The following CSMD1 variants were observed in gnomAD, a reference collection of about 807,000 sequenced individuals.
CSMD1 encodes CUB and sushi domain-containing protein 1.
A neutral mutation model predicts 417.5 loss-of-function variants in CSMD1; 213 were observed. That is an observed-to-expected ratio of 0.51 (90% CI 0.46 to 0.57). The LOEUF is 0.57. CSMD1 is among the 20% of genes least tolerant of loss of function. CSMD1 has a pLI of 0.00. For synonymous variants in CSMD1, 2,862 were observed against 1,736.8 expected, an observed-to-expected ratio of 1.65 and a Z score of -16.11; for missense variants, 6,923 against 4,529.7, an observed-to-expected ratio of 1.53 and a Z score of -15.17.
chr8:3,967,198 C>A (rs976415618), intron 5 of CSMD1, among the ~76,000 whole-genome samples: 31 of 151,556 alleles, frequency 2.0e-4, no homozygotes, highest in Non-Finnish European at 4.4e-4. Flanking sequence ...TTGATTCTCT[C>A]TACTGCTTTG....
intron 10 of CSMD1, among the ~76,000 whole-genome samples, chr8:3,548,608 C>T (rs114543091): frequency 0.021 from 3,139 of 150,028 alleles, 101 homozygotes; most frequent in African/African-American, 0.072. Context: ...ATCCAGGTTG[C>T]TATGAATGCC....
At chr8:4,248,189 T>TCATGA (rs1284272360) in intron 3 of CSMD1, among the ~76,000 whole-genome samples, 2 of 152,190 alleles carry the variant, frequency 1.3e-5, no homozygotes, top group Non-Finnish European at 2.9e-5. Flanking sequence ...CCTGGAAATT[T>TCATGA]CATGACATGA....
At chr8:3,982,853 A>G (rs931860699) in intron 5 of CSMD1, among the ~76,000 whole-genome samples, 2 of 152,240 alleles carry the variant, frequency 1.3e-5, no homozygotes, top group Admixed American at 6.5e-5. Context: ...AGCTCTACGC[A>G]TACCAAGGAC....
At chr8:4,010,763 T>C (rs1208736306) in intron 4 of CSMD1, among the ~76,000 whole-genome samples, 1 of 152,190 alleles carries the variant, frequency 6.6e-6, no homozygotes, top group Non-Finnish European at 1.5e-5. Flanking sequence ...CATGGCCTAA[T>C]GCACTTCCTT....
intron 16 of CSMD1, among the ~76,000 whole-genome samples, chr8:3,397,311 G>A (rs2116858725): frequency 6.6e-6 from 1 of 152,276 alleles, no homozygotes; most frequent in East Asian, 1.9e-4. Context: ...CTGATGAATT[G>A]GGAGAAAACT....
At chr8:3,878,903 A>C (rs1426953982) in intron 5 of CSMD1, among the ~76,000 whole-genome samples, 1 of 152,240 alleles carries the variant, frequency 6.6e-6, no homozygotes, top group Non-Finnish European at 1.5e-5. Flanking sequence ...CACAAGTTAT[A>C]TGAAGTCTCA....
intron 1 of CSMD1, among the ~76,000 whole-genome samples, chr8:4,750,068 C>T (rs948741631): frequency 2.6e-5 from 4 of 151,724 alleles, no homozygotes; most frequent in Non-Finnish European, 4.4e-5. Flanking sequence ...GTGCAGTGGG[C>T]GATCTCGGCT....
chr8:4,361,718 G>A (rs7836863), intron 3 of CSMD1, among the ~76,000 whole-genome samples: 6,144 of 151,748 alleles, frequency 0.04, 303 homozygotes, highest in African/African-American at 0.11. Flanking sequence ...CACTTTGGGA[G>A]GCCGAAGTGG....
Position 3,908,548 on chromosome 8 carries a change from T to G in CSMD1, c.818+89355A>C, listed in dbSNP as rs1327665951. Among the ~76,000 whole-genome samples the G allele has an allele frequency of 2.6e-5, 4 of 152,106 alleles. No individual in the cohort carries two copies. In the East Asian group the frequency reaches 7.7e-4, roughly 29 times the overall value. ...AAAACTCCTAACCTAAGGGAAACAC[T>G]TTTGTAGCTATGGAGCTCACATTTG... On this transcript the variant is annotated intron_variant, in intron 5 of 69. Transcript: ENST00000635120.
chr8:4,172,677 T>G (rs1797832473), intron 3 of CSMD1, among the ~76,000 whole-genome samples: 1 of 152,190 alleles, frequency 6.6e-6, no homozygotes, highest in Non-Finnish European at 1.5e-5. Flanking sequence ...GACCAGGTGT[T>G]TCACACATAT....
At chr8:4,244,990 T>C (rs899258307) in intron 3 of CSMD1, among the ~76,000 whole-genome samples, 3 of 152,064 alleles carry the variant, frequency 2.0e-5, no homozygotes, top group African/African-American at 4.8e-5. Context: ...TGGAAGTAAA[T>C]CGACAAACAT....
rs923350930 is a variant in CSMD1, at chr8:4,584,296, G to A, written c.302+53046C>T. ...ATCGCCAAGCAGTGAGACAATCGCC[G>A]AGTGGTGAGACCGTCGCCTATCGCC... On this transcript the variant is annotated intron_variant, in intron 2 of 69. Coordinates refer to ENST00000635120, the MANE Select transcript of CSMD1 (RefSeq NM_033225.6). 7.1e-4 allele frequency among the ~76,000 whole-genome samples: 108 copies of A among 151,990 alleles called. 2 individuals carry two copies. Among genetic ancestry groups the A allele is most frequent in the African/African-American group, 2.2e-3 (90 of 41,464 alleles).
intron 12 of CSMD1, among the ~76,000 whole-genome samples, chr8:3,422,795 A>G (rs1156896895): frequency 6.6e-6 from 1 of 152,178 alleles, no homozygotes; most frequent in Non-Finnish European, 1.5e-5. Context: ...TCAAGAGGCT[A>G]GGAAGATCAA....
intron 3 of CSMD1, among the ~76,000 whole-genome samples, chr8:4,309,997 G>A (rs1798470867): frequency 6.6e-6 from 1 of 152,146 alleles, no homozygotes; most frequent in South Asian, 2.1e-4. Flanking sequence ...AGACTAAGGA[G>A]TTTGGAAAAC....
At chr8:4,399,483 C>G (rs764230113) in intron 3 of CSMD1, among the ~76,000 whole-genome samples, 4 of 152,144 alleles carry the variant, frequency 2.6e-5, no homozygotes, top group Non-Finnish European at 5.9e-5. Flanking sequence ...TCCTCATGTT[C>G]ACGCTTAAGT....
chr8:4,375,662 A>C (rs1802687952), intron 3 of CSMD1, among the ~76,000 whole-genome samples: 1 of 152,142 alleles, frequency 6.6e-6, no homozygotes, highest in Non-Finnish European at 1.5e-5. Context: ...TGGAAGGATA[A>C]GGGAGGAATG....
At chr8:3,725,040 C>T (rs1274099544) in intron 6 of CSMD1, among the ~76,000 whole-genome samples, 3 of 152,184 alleles carry the variant, frequency 2.0e-5, no homozygotes, top group African/African-American at 7.2e-5. Flanking sequence ...GCCCATTAAC[C>T]TCTCCAGACG....
intron 3 of CSMD1, among the ~76,000 whole-genome samples, chr8:4,359,606 C>T (rs1438459635): frequency 1.3e-5 from 2 of 152,216 alleles, no homozygotes; most frequent in African/African-American, 4.8e-5. Flanking sequence ...ACTGAATTAA[C>T]TCAAGAGTCA....
intron 12 of CSMD1, among the ~76,000 whole-genome samples, chr8:3,411,691 TAC>T (rs760909294): frequency 1.8e-5 from 2 of 110,438 alleles, no homozygotes; most frequent in Middle Eastern, 5.6e-3. Flanking sequence ...CGTGTATATA[TAC>T]ACACGTATAT....
Sources: gnomAD v4.1 joint callset for allele counts (sites outside exome capture counted in the v4.1 genomes callset) on GRCh38, gnomAD v4.1.1 for gene constraint, MANE v1.5 for transcripts, NCBI Gene and HGNC (gene_info 2026-07-23, HGNC 2026-07-21) for gene names.